The following NTSR1 variants were observed in gnomAD, a reference collection of about 807,000 sequenced individuals.
NTSR1 encodes neurotensin receptor 1, also known as neurotensin receptor type 1.
Under a neutral mutation model 31.2 loss-of-function variants are expected in NTSR1, and 29 were observed. That is an observed-to-expected ratio of 0.93 (90% CI 0.69 to 1.27). NTSR1 has a LOEUF of 1.27. Ranked by LOEUF, NTSR1 falls within the 50% of genes most tolerant of loss-of-function variation. NTSR1 has a pLI of 0.00. For synonymous variants in NTSR1, 282 were observed against 269.9 expected (o/e 1.04, Z -0.44); for missense variants, 697 against 595.4 (o/e 1.17, Z -1.78).
At chr20:62,709,996 G>A (rs1423454350) in intron 1 of NTSR1, 75 bp downstream of exon 1, 22 of 1,221,226 alleles carry the variant, frequency 1.8e-5, no homozygotes, top group Non-Finnish European at 2.5e-5. Context: ...TGCCTTCTGG[G>A]TAGGGAGTGG....
At chr20:62,723,098 A>C (rs117352696) in intron 1 of NTSR1, among the ~76,000 whole-genome samples, 1 of 152,338 alleles carries the variant, frequency 6.6e-6, no homozygotes, top group Non-Finnish European at 1.5e-5. Flanking sequence ...ACTTACTGTA[A>C]ATTTCAGTAA....
intron 1 of NTSR1, among the ~76,000 whole-genome samples, chr20:62,746,629 C>G (rs1279498329): frequency 6.6e-6 from 1 of 152,210 alleles, no homozygotes; most frequent in Non-Finnish European, 1.5e-5. Context: ...TCATAATAAA[C>G]TGTGAACAAT....
chr20:62,716,637 T>A (rs938780349), intron 1 of NTSR1, among the ~76,000 whole-genome samples: 3 of 152,142 alleles, frequency 2.0e-5, no homozygotes, highest in African/African-American at 7.2e-5. Flanking sequence ...CAGCAGAGAG[T>A]GACCGAGCTG....
intron 1 of NTSR1, among the ~76,000 whole-genome samples, chr20:62,731,364 G>A (rs982183697): frequency 6.6e-6 from 1 of 152,192 alleles, no homozygotes; most frequent in African/African-American, 2.4e-5. Context: ...GATTACAAGT[G>A]TGAGCCACCA....
chr20:62,710,290 T>C (rs1332562302), intron 1 of NTSR1, among the ~76,000 whole-genome samples: 1 of 152,254 alleles, frequency 6.6e-6, no homozygotes. Context: ...GTGATGTTCC[T>C]TCCTCTGCAG....
At chr20:62,726,353 A>G (rs1004350903) in intron 1 of NTSR1, among the ~76,000 whole-genome samples, 1 of 152,194 alleles carries the variant, frequency 6.6e-6, no homozygotes, top group African/African-American at 2.4e-5. Context: ...TTGTCCATAA[A>G]TAAAACCTGT....
In NTSR1 at chr20:62,741,617, G is replaced by C. The variant is rs1361190773; in HGVS notation, c.715-13068G>C. Among the ~76,000 whole-genome samples, 1 of 149,700 alleles carries C rather than the reference G, an allele frequency of 6.7e-6. No individual in the cohort carries two copies. The highest frequency in any genetic ancestry group is 2.2e-4 in the East Asian group (1 of 4,488). The stretch of plus-strand genomic sequence containing the variant: ...AACCCCTGAGGCTCCCTGGGGCTCT[G>C]GCATTCTCTTGAGCCTTTCCCAGAA... On this transcript the variant is annotated intron_variant, in intron 1 of 3. Coordinates refer to ENST00000370501, the MANE Select transcript of NTSR1 (RefSeq NM_002531.3). The surrounding 1 kb of genome is among the most constrained non-coding windows in gnomAD (Gnocchi z 4.3).
At chr20:62,759,963 C>A in intron 3 of NTSR1, 55 bp from the exon 4 acceptor site, 1 of 1,590,836 alleles carries the variant, frequency 6.3e-7, no homozygotes, top group Non-Finnish European at 8.6e-7. Flanking sequence ...TGTCACCCTG[C>A]CTTGGGGCCC....
At chr20:62,730,784 C>T (rs1988989530) in intron 1 of NTSR1, among the ~76,000 whole-genome samples, 1 of 152,202 alleles carries the variant, frequency 6.6e-6, no homozygotes, top group South Asian at 2.1e-4. Flanking sequence ...GTTTTTGTAG[C>T]CATTCTCATT....
In NTSR1 at chr20:62,758,120, T is replaced by C. The variant is rs1407168950; in HGVS notation, c.917-146T>C. ...CCATGTCTCTGTGCCTCAGGTGCAGTGGGTCTCTGAGCCCACGTCTCTGTG... is the reference window on the plus strand; with the variant it reads ...CCATGTCTCTGTGCCTCAGGTGCAGCGGGTCTCTGAGCCCACGTCTCTGTG... On this transcript the variant is annotated intron_variant, in intron 2 of 3. Coordinates refer to ENST00000370501, the MANE Select transcript of NTSR1 (RefSeq NM_002531.3). This position sits in a 1 kb window ranked among gnomAD's most constrained non-coding sequence, Gnocchi z 4.5. 5.0e-6 allele frequency: 3 copies of C among 605,802 alleles called. No individual in the cohort carries two copies. The highest frequency in any genetic ancestry group is 2.0e-5 in the African/African-American group (1 of 50,262). The allele number at this position is 605,802 out of a possible 1,614,324, so 37.5% of individuals were successfully genotyped here.
In NTSR1 at chr20:62,732,370, G is replaced by A. The variant is rs2427427; in HGVS notation, c.715-22315G>A. On this transcript the variant is annotated intron_variant, in intron 1 of 3. Transcript: ENST00000370501. This position sits in a 1 kb window ranked among gnomAD's most constrained non-coding sequence, Gnocchi z 4.0. The stretch of plus-strand genomic sequence containing the variant: ...GAGTTCCCTTGTATTCCTGGCTTGT[G>A]AAAGGTTTTTCTCACAGATGGGTGT... Among the ~76,000 whole-genome samples the A allele has an allele frequency of 0.34, 51,042 of 152,016 alleles. 8,847 individuals carry two copies. Among genetic ancestry groups the A allele is most frequent in the Middle Eastern group, 0.45 (133 of 294 alleles).
intron 1 of NTSR1, among the ~76,000 whole-genome samples, chr20:62,737,525 C>T (rs770535764): frequency 1.3e-5 from 2 of 152,128 alleles, no homozygotes; most frequent in East Asian, 1.9e-4. Flanking sequence ...AGGGAGGGGC[C>T]GAGCATGGGA....
In NTSR1 at chr20:62,754,681, G is replaced by A. The variant is rs1418922093; in HGVS notation, c.715-4G>A. 1.9e-6 allele frequency: 3 copies of A among 1,611,144 alleles called. No individual in the cohort carries two copies. Among genetic ancestry groups the A allele is most frequent in the African/African-American group, 1.3e-5 (1 of 74,876 alleles). The stretch of plus-strand genomic sequence containing the variant: ...CTGACAGCCTCGCCCTTCCTCTCCT[G>A]CAGGTCAACACCTTCATGTCCTTCA... On this transcript the variant is annotated splice_region_variant and splice_polypyrimidine_tract_variant and intron_variant, in intron 1 of 3. Transcript: ENST00000370501.
At chr20:62,730,021 T>C (rs1425794470) in intron 1 of NTSR1, among the ~76,000 whole-genome samples, 1 of 152,222 alleles carries the variant, frequency 6.6e-6, no homozygotes, top group East Asian at 1.9e-4. Flanking sequence ...GGCCCTCACC[T>C]GTTAATAACA....
chr20:62,713,549 C>T (rs1319519741), intron 1 of NTSR1, among the ~76,000 whole-genome samples: 1 of 152,202 alleles, frequency 6.6e-6, no homozygotes, highest in African/African-American at 2.4e-5. Context: ...CCAGGCTGTG[C>T]CCAGCAACCT....
chr20:62,725,795 GAGA>G (rs1988896598), intron 1 of NTSR1, among the ~76,000 whole-genome samples: 1 of 152,130 alleles, frequency 6.6e-6, no homozygotes, highest in South Asian at 2.1e-4. Flanking sequence ...GAGGGAGAGG[GAGA>G]AGAAGGGAGG....
intron 2 of NTSR1, 35 bp downstream of exon 2, chr20:62,754,921 C>A (rs747762694): frequency 3.9e-6 from 6 of 1,539,380 alleles, no homozygotes; most frequent in African/African-American, 1.4e-5. Context: ...GGGCGGGAGG[C>A]AGGCCAGGGC....
chr20:62,754,781 G>A lies in NTSR1; in HGVS notation c.811G>A (p.Ala271Thr). Residue 271 changes from alanine (A) to threonine (T), a missense_variant, in exon 2 of 4, where the codon GCC becomes ACC. By Grantham distance (58) the Ala-to-Thr change is moderately conservative. Coordinates refer to ENST00000370501, the MANE Select transcript of NTSR1 (RefSeq NM_002531.3). ...NKLTVMVRQA[A>T]EQGQVCTVGG... is the part of the protein sequence containing the mutation. ...GCTGACCGTCATGGTACGCCAGGCG[G>A]CCGAGCAGGGCCAAGTGTGCACGGT... is the stretch of plus-strand genomic sequence containing the variant. The A allele has an allele frequency of 6.2e-7, 1 of 1,611,926 alleles. No homozygotes were observed. Among genetic ancestry groups the A allele is most frequent in the Non-Finnish European group, 8.5e-7 (1 of 1,179,766 alleles).
intron 1 of NTSR1, among the ~76,000 whole-genome samples, chr20:62,748,878 C>T (rs550206701): frequency 6.6e-6 from 1 of 152,176 alleles, no homozygotes; most frequent in Admixed American, 6.5e-5. Context: ...TGCTCTGCCC[C>T]CTCTGCACGC....
Sources: allele counts gnomAD v4.1 joint callset (sites outside exome capture counted in the v4.1 genomes callset), GRCh38; gene constraint gnomAD v4.1.1; non-coding constraint Gnocchi (gnomAD v3.1); transcripts MANE v1.5; gene names NCBI Gene and HGNC (gene_info 2026-07-23, HGNC 2026-07-21).